OSBPL2: variants seen among roughly 807,000 people sequenced by gnomAD.
OSBPL2 encodes the protein oxysterol-binding protein-related protein 2.
In OSBPL2, 18 loss-of-function variants were observed where a neutral mutation model predicts 58.4. The ratio of observed to expected loss-of-function variants is 0.31; its 90% CI spans 0.21 to 0.46. The LOEUF (loss-of-function observed/expected upper bound fraction) is 0.46, where lower values mean the gene tolerates loss of function less well. Among genes scored for constraint, OSBPL2 ranks in the 20% least tolerant of loss-of-function variants. The probability of loss-of-function intolerance (pLI) is 1.00; values close to 1 mark genes in which losing one functional copy is unlikely to be tolerated. For synonymous variants in OSBPL2, 221 were observed against 234.1 expected (o/e 0.94, Z 0.51); for missense variants, 461 against 616.5 (o/e 0.75, Z 2.67).
At chr20:62,252,044 C>T (rs1205638554) in intron 1 of OSBPL2, among the ~76,000 whole-genome samples, 3 of 151,284 alleles carry the variant, frequency 2.0e-5, no homozygotes, top group Admixed American at 6.6e-5. Context: ...CCACCACACC[C>T]GACTAATTTT....
rs183529253 is a variant in OSBPL2, at chr20:62,263,938, G to A, written c.258+247G>A. Among the ~76,000 whole-genome samples, 778 of 152,072 alleles carry A rather than the reference G, an allele frequency of 5.1e-3. 4 individuals carry two copies. The highest frequency in any genetic ancestry group is 8.7e-3 in the Non-Finnish European group (594 of 67,970). ...AAATTAGCTGGGCGTGGTGGAGGGC[G>A]CCTGTAGTCCCAGCTACTCGGGAGG... On this transcript the variant is annotated intron_variant, in intron 4 of 13. Coordinates refer to ENST00000313733, the MANE Select transcript of OSBPL2 (RefSeq NM_144498.4).
chr20:62,285,585 C>CAG (rs1274478922), intron 10 of OSBPL2: 1 of 152,264 alleles, frequency 6.6e-6, no homozygotes, highest in Non-Finnish European at 1.5e-5. Context: ...TTGATGGGGG[C>CAG]AAAGCTGCGC....
rs1010117843 is a variant in OSBPL2, at chr20:62,269,912, G to A, written c.259-2213G>A. Among the ~76,000 whole-genome samples, 2 of 152,196 alleles carry A rather than the reference G, an allele frequency of 1.3e-5. No individual in the cohort carries two copies. The highest frequency in any genetic ancestry group is 2.9e-5 in the Non-Finnish European group (2 of 68,028). ...AGCCCCTCCTAAGCCCACAGTCCCC[G>A]TGTGTCCAGTGCCATCTGGGGCCTG... On this transcript the variant is annotated intron_variant, in intron 4 of 13. Coordinates refer to ENST00000313733, the MANE Select transcript of OSBPL2 (RefSeq NM_144498.4). This position sits in a 1 kb window ranked among gnomAD's most constrained non-coding sequence, Gnocchi z 4.2.
chr20:62,254,799 A>G (rs1980810791), intron 1 of OSBPL2, among the ~76,000 whole-genome samples: 1 of 152,250 alleles, frequency 6.6e-6, no homozygotes, highest in Non-Finnish European at 1.5e-5. Flanking sequence ...GATGGGAGAC[A>G]CTAATGTGCA....
intron 8 of OSBPL2, chr20:62,281,544 C>T (rs1046951158): frequency 3.8e-6 from 2 of 523,618 alleles, no homozygotes; most frequent in Non-Finnish European, 6.9e-6. Context: ...GAGGTATAAT[C>T]GATGCATCAT....
chr20:62,282,468 C>G lies in OSBPL2; in HGVS notation c.872+589C>G, dbSNP rs181396375. On this transcript the variant is annotated intron_variant, in intron 9 of 13. Transcript: ENST00000313733. ...TTGTTTTTTTCGTAAGGAATTTGAG[C>G]CATAGAATGTCATGAAGTTCCTTCT... 9.2e-5 allele frequency among the ~76,000 whole-genome samples: 14 copies of G among 152,146 alleles called. No homozygotes were observed. The East Asian group carries it at 9.7e-4, about 10-fold the overall frequency.
chr20:62,277,670 C>T (rs1005621297), intron 6 of OSBPL2, among the ~76,000 whole-genome samples: 3 of 152,198 alleles, frequency 2.0e-5, no homozygotes, highest in Non-Finnish European at 4.4e-5. Flanking sequence ...AATTACATAC[C>T]TTGGTAGTCA....
At chr20:62,281,931 G>A (rs1167831283) in intron 9 of OSBPL2, 52 bp downstream of exon 9, 4 of 1,252,590 alleles carry the variant, frequency 3.2e-6, no homozygotes, top group Admixed American at 1.7e-5. Flanking sequence ...GTGTGTCCAC[G>A]TTAGAAGGGC....
At position 62,284,118 on chromosome 20, in the gene OSBPL2, A is replaced by C; in HGVS notation, c.945A>C (p.Glu315Asp). 3 of 1,614,118 alleles carry C rather than the reference A, an allele frequency of 1.9e-6. No homozygotes were observed. The highest frequency in any genetic ancestry group is 1.1e-5 in the South Asian group (1 of 91,080). ...GGGGCATAGATCCTGTTTCGTATGA[A>C]TCCTTCAAGAAGCAGGAGAGGAGAG... Reference protein sequence around the residue: ...CLWGIDPVSYESFKKQERRGD... With the variant: ...CLWGIDPVSYDSFKKQERRGD... Residue 315 changes from glutamate (E) to aspartate (D), a missense_variant, in exon 10 of 14, where the codon GAA becomes GAC. Physicochemically the swap from Glu to Asp is conservative, Grantham distance 45. This residue lies in a region of OSBPL2 where 319 missense variants were observed against 419.2 expected (regional missense o/e 0.76). Coordinates refer to ENST00000313733, the MANE Select transcript of OSBPL2 (RefSeq NM_144498.4).
chr20:62,283,015 G>T (rs908868108), intron 9 of OSBPL2, among the ~76,000 whole-genome samples: 1 of 152,224 alleles, frequency 6.6e-6, no homozygotes, highest in Non-Finnish European at 1.5e-5. Flanking sequence ...GCAGTCATCA[G>T]TGCCTTGACA....
chr20:62,241,626 G>A (rs1979744931), intron 1 of OSBPL2, among the ~76,000 whole-genome samples: 1 of 152,256 alleles, frequency 6.6e-6, no homozygotes, highest in Non-Finnish European at 1.5e-5. Context: ...CGCCAGACCA[G>A]GGCTCTTGGG....
intron 1 of OSBPL2, among the ~76,000 whole-genome samples, chr20:62,250,154 G>C (rs760576898): frequency 1.3e-5 from 2 of 152,248 alleles, no homozygotes; most frequent in Non-Finnish European, 2.9e-5. Context: ...CCTGGCACCA[G>C]GTAGGCTCTC....
intron 3 of OSBPL2, among the ~76,000 whole-genome samples, chr20:62,261,272 C>T (rs1396875362): frequency 2.0e-5 from 3 of 148,770 alleles, no homozygotes; most frequent in Admixed American, 6.9e-5. Flanking sequence ...GCCGAGGTCA[C>T]GCCGCTGCAC....
At chr20:62,255,858 A>T (rs181531154) in intron 1 of OSBPL2, among the ~76,000 whole-genome samples, 199 bp from the exon 2 acceptor site, 1 of 152,358 alleles carries the variant, frequency 6.6e-6, no homozygotes, top group Non-Finnish European at 1.5e-5. Flanking sequence ...TTGGTCTGTT[A>T]TTCATTGATT....
intron 4 of OSBPL2, among the ~76,000 whole-genome samples, chr20:62,267,732 C>T (rs1199976973): frequency 6.6e-6 from 1 of 152,176 alleles, no homozygotes; most frequent in Non-Finnish European, 1.5e-5. Context: ...TTTAGACCGG[C>T]ACGCAGTTGT....
intron 1 of OSBPL2, among the ~76,000 whole-genome samples, chr20:62,255,606 A>G (rs954078726): frequency 2.0e-5 from 3 of 152,030 alleles, no homozygotes; most frequent in Middle Eastern, 3.4e-3. Flanking sequence ...CGAGTTCAAG[A>G]GATTCTCCTG....
chr20:62,284,058 CT>C lies in OSBPL2; in HGVS notation c.888del (p.Phe296LeufsTer2), dbSNP rs1479021705. On this transcript the variant is annotated frameshift_variant, in exon 10 of 14. Coordinates refer to ENST00000313733, the MANE Select transcript of OSBPL2 (RefSeq NM_144498.4). LOFTEE classifies it high-confidence loss of function. The stretch of plus-strand genomic sequence containing the variant: ...CATTTAATTACAGCAAAAAGAAGCT[CT>C]TTATGATCTATGGCAAATGGACGGA... ...HIQDKNKKKL[F>X]MIYGKWTECL... 1 of 1,613,324 alleles carries C rather than the reference CT, an allele frequency of 6.2e-7. No homozygotes were observed.
intron 9 of OSBPL2, among the ~76,000 whole-genome samples, chr20:62,282,375 G>A (rs1164242879): frequency 1.3e-5 from 2 of 152,186 alleles, no homozygotes; most frequent in South Asian, 2.1e-4. Flanking sequence ...GGTCAGTACT[G>A]TTCCAACAAA....
chr20:62,266,435 TCAGA>T (rs1981662341), intron 4 of OSBPL2, among the ~76,000 whole-genome samples: 1 of 152,224 alleles, frequency 6.6e-6, no homozygotes, highest in Non-Finnish European at 1.5e-5. Context: ...ATAGACAGAC[TCAGA>T]CAGTGGTGAG....
Sources: gnomAD v4.1 joint callset for allele counts (sites outside exome capture counted in the v4.1 genomes callset) on GRCh38, gnomAD v4.1.1 for gene constraint, gnomAD v4.1.1 regional missense constraint, Gnocchi (gnomAD v3.1) non-coding constraint, MANE v1.5 for transcripts, NCBI Gene and HGNC (gene_info 2026-07-23, HGNC 2026-07-21) for gene names.